Variants in SGCZ observed in about 807,000 individuals in gnomAD.
The protein encoded by SGCZ is sarcoglycan zeta.
In SGCZ, 40 loss-of-function variants were observed where a neutral mutation model predicts 41.3. The observed-to-expected ratio is 0.97, with a 90% confidence interval of 0.75 to 1.26. SGCZ has a LOEUF of 1.26. Ranked by LOEUF, SGCZ falls within the 50% of genes most tolerant of loss-of-function variation. The pLI is 0.00. For missense variants in SGCZ, 552 were observed against 369.8 expected (o/e 1.49, Z -4.04); for synonymous variants, 206 against 137.5 (o/e 1.50, Z -3.49).
At chr8:14,475,362 A>AT (rs1293795918) in intron 2 of SGCZ, among the ~76,000 whole-genome samples, 1 of 152,182 alleles carries the variant, frequency 6.6e-6, no homozygotes, top group Non-Finnish European at 1.5e-5. Context: ...GTAAATATAA[A>AT]TTTTGTAATT....
At chr8:14,579,801 T>C (rs1438056651) in intron 1 of SGCZ, among the ~76,000 whole-genome samples, 1 of 152,188 alleles carries the variant, frequency 6.6e-6, no homozygotes, top group African/African-American at 2.4e-5. Context: ...GGCATCATAA[T>C]TTTCTCTTGA....
At chr8:14,547,827 A>C (rs2117169036) in intron 2 of SGCZ, among the ~76,000 whole-genome samples, 1 of 152,306 alleles carries the variant, frequency 6.6e-6, no homozygotes. Context: ...ACCTTCAATC[A>C]GGTTAACATC....
chr8:14,572,267 A>G (rs1804577988), intron 1 of SGCZ, among the ~76,000 whole-genome samples: 6 of 152,196 alleles, frequency 3.9e-5, no homozygotes, highest in Admixed American at 6.5e-5. Flanking sequence ...TAATCTGAAA[A>G]TAAAGTGAAA....
chr8:14,293,870 G>C (rs1485438262), intron 3 of SGCZ, among the ~76,000 whole-genome samples: 2 of 151,702 alleles, frequency 1.3e-5, no homozygotes, highest in African/African-American at 2.4e-5. Flanking sequence ...GTGCAATTCA[G>C]CTACATTCAG....
chr8:14,824,049 A>G (rs188362873), intron 1 of SGCZ, among the ~76,000 whole-genome samples: 236 of 152,204 alleles, frequency 1.6e-3, no homozygotes, highest in Non-Finnish European at 2.6e-3. Flanking sequence ...GGTAGAGGAT[A>G]TCATAGAAGC....
intron 1 of SGCZ, among the ~76,000 whole-genome samples, chr8:14,817,572 T>G (rs1801945706): frequency 6.6e-6 from 1 of 152,142 alleles, no homozygotes; most frequent in African/African-American, 2.4e-5. Flanking sequence ...GACACCATTG[T>G]CACTATACCA....
At chr8:14,307,673 T>C (rs550889054) in intron 3 of SGCZ, among the ~76,000 whole-genome samples, 1 of 152,290 alleles carries the variant, frequency 6.6e-6, no homozygotes, top group African/African-American at 2.4e-5. Context: ...TTGTGATCTG[T>C]CCCATGTTTT....
chr8:15,016,520 C>T (rs1357370482), intron 1 of SGCZ, among the ~76,000 whole-genome samples: 1 of 152,284 alleles, frequency 6.6e-6, no homozygotes, highest in East Asian at 1.9e-4. Flanking sequence ...AAAGCGACTT[C>T]TTCCAGGGGC....
chr8:14,164,489 T>C (rs1804145146), intron 5 of SGCZ, 91 bp downstream of exon 5: 1 of 1,484,546 alleles, frequency 6.7e-7, no homozygotes, highest in Non-Finnish European at 9.2e-7. Flanking sequence ...ACTTTAGGCA[T>C]AGGAATCATC....
At chr8:14,613,084 G>A (rs945442848) in intron 1 of SGCZ, among the ~76,000 whole-genome samples, 38 of 152,278 alleles carry the variant, frequency 2.5e-4, no homozygotes, top group Non-Finnish European at 3.7e-4. Flanking sequence ...TGCACCCTGT[G>A]CCCTGCACCC....
intron 1 of SGCZ, among the ~76,000 whole-genome samples, chr8:14,789,391 T>C (rs1016095904): frequency 1.3e-5 from 2 of 152,200 alleles, no homozygotes; most frequent in African/African-American, 4.8e-5. Context: ...TACAAATGAC[T>C]GTAATGGATC....
At chr8:14,214,831 G>A (rs2117104294) in intron 4 of SGCZ, among the ~76,000 whole-genome samples, 1 of 152,080 alleles carries the variant, frequency 6.6e-6, no homozygotes, top group Non-Finnish European at 1.5e-5. Flanking sequence ...ATCATAAGCA[G>A]GTATGCACCA....
chr8:15,124,828 G>C (rs966525339), intron 1 of SGCZ, among the ~76,000 whole-genome samples: 3 of 152,032 alleles, frequency 2.0e-5, no homozygotes, highest in Admixed American at 2.0e-4. Context: ...ATACAATTAA[G>C]ATCTTTAAAA....
chr8:14,438,926 G>C (rs139172813), intron 2 of SGCZ, among the ~76,000 whole-genome samples: 1 of 152,018 alleles, frequency 6.6e-6, no homozygotes, highest in Non-Finnish European at 1.5e-5. Flanking sequence ...GAAGTATTCT[G>C]TTTTCCTTTT....
At chr8:14,556,881 G>A (rs1804049807) in intron 1 of SGCZ, among the ~76,000 whole-genome samples, 1 of 151,978 alleles carries the variant, frequency 6.6e-6, no homozygotes, top group Non-Finnish European at 1.5e-5. Flanking sequence ...TGTGAATTGT[G>A]CTGCTATAAA....
Position 15,134,506 on chromosome 8 carries a change from AT to A in SGCZ, c.39+103078del, listed in dbSNP as rs59147854. The stretch of plus-strand genomic sequence containing the variant: ...GTATACTCATATTGAAAAATAGCGC[AT>A]TTTTTTTCCTTTTATATAATAAAAT... On this transcript the variant is annotated intron_variant, in intron 1 of 7. Transcript: ENST00000382080. Among the ~76,000 whole-genome samples, 54 of 151,990 alleles carry A rather than the reference AT, an allele frequency of 3.6e-4. No homozygotes were observed. The Middle Eastern group carries it at 0.01, about 29-fold the overall frequency.
intron 1 of SGCZ, among the ~76,000 whole-genome samples, chr8:15,090,419 CT>C (rs1806116617): frequency 1.3e-5 from 2 of 152,178 alleles, no homozygotes; most frequent in Admixed American, 6.6e-5. Context: ...GGCAACACCC[CT>C]GGGTGTGGAA....
At chr8:14,356,005 T>C (rs1347253001) in intron 2 of SGCZ, among the ~76,000 whole-genome samples, 31 of 152,176 alleles carry the variant, frequency 2.0e-4, no homozygotes, top group Admixed American at 2.0e-3. Context: ...TTTGCATTAT[T>C]TTCTTTTCCT....
chr8:14,395,651 T>C (rs550011502), intron 2 of SGCZ, among the ~76,000 whole-genome samples: 6 of 152,294 alleles, frequency 3.9e-5, no homozygotes, highest in African/African-American at 1.2e-4. Flanking sequence ...AAAGTTACCC[T>C]GGGAATCAAT....
Sources: allele counts gnomAD v4.1 joint callset (sites outside exome capture counted in the v4.1 genomes callset), GRCh38; gene constraint gnomAD v4.1.1; transcripts MANE v1.5; gene names NCBI Gene and HGNC (gene_info 2026-07-23, HGNC 2026-07-21).